Variants in RABGAP1L observed in about 807,000 individuals in gnomAD.
The protein encoded by RABGAP1L is RAB GTPase activating protein 1 like, also known as rab GTPase-activating protein 1-like.
In RABGAP1L, 63 loss-of-function variants were observed where a neutral mutation model predicts 137.7. That is an observed-to-expected ratio of 0.46 (90% CI 0.37 to 0.56). The LOEUF is 0.56. Ranked by LOEUF, RABGAP1L falls within the 20% of genes least tolerant of loss-of-function variation. The pLI, the probability that RABGAP1L is intolerant of heterozygous loss-of-function variation, is 0.00. For missense variants in RABGAP1L, 1,095 were observed against 1,244.0 expected, an observed-to-expected ratio of 0.88 and a Z score of 1.80; for synonymous variants, 431 against 433.7, an observed-to-expected ratio of 0.99 and a Z score of 0.08.
intron 13 of RABGAP1L, among the ~76,000 whole-genome samples, chr1:174,491,418 C>T (rs763592506): frequency 6.6e-6 from 1 of 151,978 alleles, no homozygotes; most frequent in Non-Finnish European, 1.5e-5. Context: ...GGTACCCTAT[C>T]CTACTGTGGC....
At chr1:174,737,341 A>G (rs541363201) in intron 17 of RABGAP1L, among the ~76,000 whole-genome samples, 72 of 152,238 alleles carry the variant, frequency 4.7e-4, no homozygotes, top group African/African-American at 1.7e-3. Context: ...AATCCCTAGG[A>G]CTCAGACACG....
rs183420274 is a variant in RABGAP1L at position 174,310,152 on chromosome 1, C to T, written c.1465+5025C>T. ...AGGTTGTTTAACTGTTTGAATATAA[C>T]GGTCTATAACAGTATTTTATGATTC... is the stretch of plus-strand genomic sequence containing the variant. On this transcript the variant is annotated intron_variant, in intron 11 of 25. Transcript: ENST00000681986. Among the ~76,000 whole-genome samples the T allele has an allele frequency of 3.4e-3, 523 of 152,096 alleles. 1 individual carries two copies. Among genetic ancestry groups the T allele is most frequent in the African/African-American group, 7.0e-3 (292 of 41,510 alleles).
chr1:174,800,785 G>T (rs1688691584), intron 18 of RABGAP1L, among the ~76,000 whole-genome samples: 1 of 152,086 alleles, frequency 6.6e-6, no homozygotes, highest in African/African-American at 2.4e-5. Context: ...GCCTGGCTAG[G>T]CTCAGCAATA....
chr1:174,351,092 GA>G (rs1683141133), intron 11 of RABGAP1L, among the ~76,000 whole-genome samples: 3 of 129,616 alleles, frequency 2.3e-5, no homozygotes, highest in Admixed American at 7.5e-5. Context: ...GGGGGAGGGG[GA>G]GGGGGAGGGG....
intron 13 of RABGAP1L, among the ~76,000 whole-genome samples, chr1:174,445,900 G>T (rs1014570328): frequency 1.3e-5 from 2 of 152,072 alleles, no homozygotes; most frequent in Non-Finnish European, 2.9e-5. Context: ...TATAAAGATC[G>T]GTCAGTTCCA....
intron 19 of RABGAP1L, among the ~76,000 whole-genome samples, chr1:174,892,864 G>GGATTACAGGCGCCCGCC (rs1332202090): frequency 1.1e-4 from 16 of 149,534 alleles, no homozygotes; most frequent in African/African-American, 3.7e-4. Context: ...CGAGTAGCTG[G>GGATTACAGGCGCCCGCC]GATTACAGGC....
chr1:174,438,522 A>G (rs1420881093), intron 13 of RABGAP1L, among the ~76,000 whole-genome samples: 3 of 151,802 alleles, frequency 2.0e-5, no homozygotes, highest in African/African-American at 7.3e-5. Context: ...GTTTGAGGCC[A>G]GCCTGGTCAA....
At chr1:174,927,838 A>G (rs1359074713) in intron 19 of RABGAP1L, among the ~76,000 whole-genome samples, 2 of 152,220 alleles carry the variant, frequency 1.3e-5, no homozygotes, top group East Asian at 1.9e-4. Context: ...TTCAAAGAAC[A>G]GTACCATTCA....
chr1:174,543,518 A>G (rs1008207961), intron 13 of RABGAP1L, among the ~76,000 whole-genome samples: 1 of 152,192 alleles, frequency 6.6e-6, no homozygotes, highest in African/African-American at 2.4e-5. Context: ...TCCTGAATAC[A>G]GCACACTGAT....
chr1:174,325,905 T>C (rs971333880), intron 11 of RABGAP1L, among the ~76,000 whole-genome samples: 1 of 152,252 alleles, frequency 6.6e-6, no homozygotes, highest in African/African-American at 2.4e-5. Flanking sequence ...CTTGAGGGCC[T>C]GACTGGCTCT....
intron 10 of RABGAP1L, among the ~76,000 whole-genome samples, chr1:174,284,110 G>A (rs1020932512): frequency 6.6e-6 from 1 of 152,028 alleles, no homozygotes; most frequent in South Asian, 2.1e-4. Flanking sequence ...TTACCTTTTT[G>A]TGTGTGTGTA....
intron 14 of RABGAP1L, among the ~76,000 whole-genome samples, chr1:174,671,695 AT>A (rs1677188071): frequency 6.6e-6 from 1 of 152,074 alleles, no homozygotes; most frequent in South Asian, 2.1e-4. Context: ...GTGGTGTTCT[AT>A]TTGGCTTATT....
Position 174,278,700 on chromosome 1 carries a change from G to C in RABGAP1L, c.1244G>C (p.Arg415Pro), listed in dbSNP as rs534755457. Residue 415 changes from arginine (R) to proline (P), a missense_variant, in exon 10 of 26, where the codon CGT becomes CCT. Physicochemically the swap from Arg to Pro is moderately radical, Grantham distance 103 (BLOSUM62 -2). Transcript: ENST00000681986. The part of the protein sequence containing the change: ...PVRFLLETVV[R>P]VYPANERFWY... Reference sequence around the variant, plus strand: ...CGCTTTCTCCTGGAGACAGTAGTCCGTGTGTACCCTGCAAATGAGCGATTT... The same window carrying C: ...CGCTTTCTCCTGGAGACAGTAGTCCCTGTGTACCCTGCAAATGAGCGATTT... The C allele has an allele frequency of 6.2e-7, 1 of 1,600,060 alleles. No homozygotes were observed.
chr1:174,304,064 CTT>C (rs1341747008), intron 10 of RABGAP1L, among the ~76,000 whole-genome samples: 2 of 152,020 alleles, frequency 1.3e-5, no homozygotes, highest in East Asian at 1.9e-4. Flanking sequence ...CTTAGATACT[CTT>C]TATCAGGTTG....
intron 19 of RABGAP1L, among the ~76,000 whole-genome samples, chr1:174,898,490 G>C (rs1028639725): frequency 6.6e-6 from 1 of 152,238 alleles, no homozygotes; most frequent in Non-Finnish European, 1.5e-5. Context: ...TCTTAGGAAG[G>C]TGATAAGTTA....
At chr1:174,810,499 T>C (rs981347417) in intron 18 of RABGAP1L, among the ~76,000 whole-genome samples, 2 of 152,208 alleles carry the variant, frequency 1.3e-5, no homozygotes, top group African/African-American at 4.8e-5. Flanking sequence ...GGAATTTCTC[T>C]GGCTTCCTGC....
chr1:174,861,824 A>G (rs891202469), intron 19 of RABGAP1L, among the ~76,000 whole-genome samples: 1 of 152,150 alleles, frequency 6.6e-6, no homozygotes, highest in Non-Finnish European at 1.5e-5. Context: ...GTTGAGTTAT[A>G]TGAATTCTTT....
At chr1:174,567,125 A>G (rs1667639982) in intron 13 of RABGAP1L, among the ~76,000 whole-genome samples, 2 of 152,136 alleles carry the variant, frequency 1.3e-5, no homozygotes, top group Non-Finnish European at 2.9e-5. Flanking sequence ...TATATCCAAC[A>G]CTTTATCATT....
intron 13 of RABGAP1L, among the ~76,000 whole-genome samples, chr1:174,502,600 ACATATATGTGTG>A (rs1189419913): frequency 2.8e-4 from 38 of 136,228 alleles, no homozygotes; most frequent in Admixed American, 1.0e-3. Flanking sequence ...ATATATATGT[ACATATATGTGTG>A]TATATATATG....
Sources: allele counts gnomAD v4.1 joint callset (sites outside exome capture counted in the v4.1 genomes callset), GRCh38; gene constraint gnomAD v4.1.1; transcripts MANE v1.5; gene names NCBI Gene and HGNC (gene_info 2026-07-23, HGNC 2026-07-21).